Variants in TMEM132C observed in about 807,000 individuals in gnomAD.
The protein encoded by TMEM132C is transmembrane protein 132C.
Under a neutral mutation model 61.4 loss-of-function variants are expected in TMEM132C, and 29 were observed. That is an observed-to-expected ratio of 0.47 (90% CI 0.35 to 0.64). The LOEUF (loss-of-function observed/expected upper bound fraction) is 0.64, where lower values mean the gene tolerates loss of function less well. TMEM132C is among the 30% of genes least tolerant of loss of function. TMEM132C has a pLI of 0.00. For synonymous variants in TMEM132C, 656 were observed against 633.1 expected (o/e 1.04, Z -0.54); for missense variants, 1,408 against 1,476.9 (o/e 0.95, Z 0.76).
intron 2 of TMEM132C, among the ~76,000 whole-genome samples, chr12:128,440,581 A>G (rs1004071352): frequency 4.6e-5 from 7 of 152,202 alleles, no homozygotes; most frequent in Admixed American, 2.6e-4. Context: ...GCCAAGGAAT[A>G]CATCTTTTTA....
chr12:128,604,135 C>A (rs1369436840), intron 3 of TMEM132C, among the ~76,000 whole-genome samples: 1 of 152,100 alleles, frequency 6.6e-6, no homozygotes, highest in Non-Finnish European at 1.5e-5. Flanking sequence ...AGACATAGAA[C>A]CAATGGGGTG....
chr12:128,501,266 C>G (rs1021849203), intron 2 of TMEM132C, among the ~76,000 whole-genome samples: 4 of 152,158 alleles, frequency 2.6e-5, no homozygotes, highest in African/African-American at 9.7e-5. Flanking sequence ...TTAGGCCACT[C>G]GAGATAGTCA....
intron 1 of TMEM132C, among the ~76,000 whole-genome samples, chr12:128,365,129 C>T (rs1008317507): frequency 9.9e-5 from 15 of 152,280 alleles, no homozygotes; most frequent in East Asian, 7.7e-4. Context: ...AAGTGAGACA[C>T]GACACTGGGG....
At chr12:128,434,212 G>A (rs1209455078) in intron 2 of TMEM132C, among the ~76,000 whole-genome samples, 1 of 152,218 alleles carries the variant, frequency 6.6e-6, no homozygotes, top group Non-Finnish European at 1.5e-5. Context: ...TCTCAAAGTT[G>A]AGTGAGTACC....
intron 4 of TMEM132C, among the ~76,000 whole-genome samples, chr12:128,660,990 A>G (rs1458552740): frequency 2.6e-5 from 4 of 152,242 alleles, no homozygotes; most frequent in Admixed American, 1.3e-4. Context: ...TAGATAATAC[A>G]TAGATGACAG....
At position 128,706,519 on chromosome 12, in the gene TMEM132C, A is replaced by C. The variant is rs1008637870; in HGVS notation, c.*224A>C. 6 of 536,132 alleles carry C rather than the reference A, an allele frequency of 1.1e-5. No individual in the cohort carries two copies. The highest frequency in any genetic ancestry group is 9.4e-5 in the African/African-American group (5 of 53,272). 33.2% of individuals were successfully genotyped at this position (536,132 alleles called of 1,614,324 possible). On this transcript the variant is annotated 3_prime_UTR_variant, in exon 9 of 9. Transcript: ENST00000435159. ...AGGTCAGGGGAATAAAGTCTGGGGC[A>C]TGGGGAGTGCAGACCAAGTTACTGA...
intron 1 of TMEM132C, among the ~76,000 whole-genome samples, chr12:128,387,807 A>T (rs1874633992): frequency 6.6e-6 from 1 of 151,856 alleles, no homozygotes; most frequent in African/African-American, 2.4e-5. Context: ...GAATCTGTCT[A>T]AAAAGAAAGA....
intron 2 of TMEM132C, among the ~76,000 whole-genome samples, chr12:128,471,479 G>T (rs1207500403): frequency 6.6e-6 from 1 of 152,160 alleles, no homozygotes; most frequent in Non-Finnish European, 1.5e-5. Context: ...AGGTTGTCAA[G>T]CTCTGCCCCT....
chr12:128,696,136 C>T (rs1312286906), intron 7 of TMEM132C, 33 bp downstream of exon 7: 2 of 1,542,352 alleles, frequency 1.3e-6, no homozygotes, highest in African/African-American at 2.7e-5. Context: ...GTCCCCAGCA[C>T]TGGGCATGTG....
chr12:128,512,084 G>GTT (rs113131064), intron 2 of TMEM132C, among the ~76,000 whole-genome samples: 1 of 149,726 alleles, frequency 6.7e-6, no homozygotes, highest in South Asian at 2.1e-4. Flanking sequence ...CGCACTGCCA[G>GTT]TTTTTTTTTT....
chr12:128,333,824 G>A (rs1872726800), intron 1 of TMEM132C, among the ~76,000 whole-genome samples: 1 of 151,358 alleles, frequency 6.6e-6, no homozygotes, highest in Admixed American at 6.6e-5. Flanking sequence ...GTATGTGTGA[G>A]AGTTTGTGGT....
At chr12:128,357,556 G>A (rs543471641) in intron 1 of TMEM132C, among the ~76,000 whole-genome samples, 1 of 151,976 alleles carries the variant, frequency 6.6e-6, no homozygotes, top group Middle Eastern at 3.2e-3. Context: ...TTAGCCAGGT[G>A]TGGTGGCATG....
At chr12:128,437,437 TG>T (rs1869639700) in intron 2 of TMEM132C, among the ~76,000 whole-genome samples, 1 of 152,186 alleles carries the variant, frequency 6.6e-6, no homozygotes. Flanking sequence ...TGCCTTCCTC[TG>T]TACTTACCCA....
At chr12:128,382,282 A>T (rs772938246) in intron 1 of TMEM132C, among the ~76,000 whole-genome samples, 1 of 152,258 alleles carries the variant, frequency 6.6e-6, no homozygotes, top group Non-Finnish European at 1.5e-5. Context: ...AAATGCTATC[A>T]TACTGACGTA....
At chr12:128,374,376 A>G (rs751090490) in intron 1 of TMEM132C, among the ~76,000 whole-genome samples, 4 of 152,134 alleles carry the variant, frequency 2.6e-5, no homozygotes, top group Non-Finnish European at 4.4e-5. Context: ...GGGCGGAGCC[A>G]TTGCTGCTGG....
intron 2 of TMEM132C, among the ~76,000 whole-genome samples, chr12:128,496,894 AGG>A (rs749019597): frequency 2.2e-3 from 331 of 152,320 alleles, no homozygotes; most frequent in Non-Finnish European, 3.8e-3. Flanking sequence ...TTCTTTTGGA[AGG>A]GGAGAGGTGC....
At chr12:128,657,659 G>A (rs976129449) in intron 4 of TMEM132C, among the ~76,000 whole-genome samples, 3 of 152,202 alleles carry the variant, frequency 2.0e-5, no homozygotes, top group Admixed American at 6.5e-5. Context: ...GTCTGCATGT[G>A]TGGCTCATCT....
intron 2 of TMEM132C, among the ~76,000 whole-genome samples, chr12:128,481,583 T>A (rs970643212): frequency 6.6e-6 from 1 of 152,202 alleles, no homozygotes; most frequent in African/African-American, 2.4e-5. Flanking sequence ...AGTGTGCAGT[T>A]CATGGCTCCA....
intron 1 of TMEM132C, among the ~76,000 whole-genome samples, chr12:128,328,527 G>A (rs888520747): frequency 2.4e-4 from 37 of 152,192 alleles, no homozygotes; most frequent in Admixed American, 5.9e-4. Context: ...AGTGGCTCAC[G>A]CCTGTAATCC....
Sources: gnomAD v4.1 joint callset for allele counts (sites outside exome capture counted in the v4.1 genomes callset) on GRCh38, gnomAD v4.1.1 for gene constraint, MANE v1.5 for transcripts, NCBI Gene and HGNC (gene_info 2026-07-23, HGNC 2026-07-21) for gene names.